LHFPL6: variants seen among roughly 807,000 people sequenced by gnomAD.
The protein encoded by LHFPL6 is LHFPL tetraspan subfamily member 6.
In LHFPL6, 9 loss-of-function variants were observed where a neutral mutation model predicts 20.6. The observed-to-expected ratio is 0.44, with a 90% confidence interval of 0.26 to 0.76. LHFPL6 has a LOEUF of 0.76. Ranked by LOEUF, LHFPL6 falls within the 30% of genes least tolerant of loss-of-function variation. LHFPL6 has a pLI of 0.20. For missense variants in LHFPL6, 218 were observed against 253.5 expected (o/e 0.86, Z 0.95); for synonymous variants, 105 against 98.7 (o/e 1.06, Z -0.38).
chr13:39,574,420 T>C (rs1422483791), intron 2 of LHFPL6, among the ~76,000 whole-genome samples: 1 of 151,194 alleles, frequency 6.6e-6, no homozygotes, highest in Admixed American at 6.6e-5. Flanking sequence ...GAGGCGGAGC[T>C]TGCAGTGAGC....
chr13:39,498,594 GAAGTC>G (rs1436872554), intron 2 of LHFPL6, among the ~76,000 whole-genome samples: 1 of 152,174 alleles, frequency 6.6e-6, no homozygotes, highest in African/African-American at 2.4e-5. Flanking sequence ...CTGTGGTTGG[GAAGTC>G]CAAAACACAG....
intron 2 of LHFPL6, among the ~76,000 whole-genome samples, chr13:39,515,100 G>A (rs1314128828): frequency 6.6e-6 from 1 of 152,184 alleles, no homozygotes; most frequent in South Asian, 2.1e-4. Flanking sequence ...TAAGTGGAGT[G>A]GCTGTACCTC....
chr13:39,495,631 G>A (rs976476832), intron 2 of LHFPL6, among the ~76,000 whole-genome samples: 21 of 150,398 alleles, frequency 1.4e-4, no homozygotes, highest in African/African-American at 3.9e-4. Flanking sequence ...GTATATGATC[G>A]TGTAATAACT....
intron 2 of LHFPL6, among the ~76,000 whole-genome samples, chr13:39,397,391 C>T (rs1467229374): frequency 6.6e-6 from 1 of 152,172 alleles, no homozygotes; most frequent in Non-Finnish European, 1.5e-5. Flanking sequence ...ACTGCTATAA[C>T]CTGGAGGAAG....
chr13:39,572,742 GCCAGATCTTAAC>G (rs1871973384), intron 2 of LHFPL6, among the ~76,000 whole-genome samples: 1 of 151,984 alleles, frequency 6.6e-6, no homozygotes, highest in South Asian at 2.1e-4. Context: ...TGCACAAATA[GCCAGATCTTAAC>G]CTTCTGAGTT....
rs1343311311 is a variant in LHFPL6, at chr13:39,343,956, G to C, written c.583C>G (p.Gln195Glu). 6.2e-7 allele frequency: 1 copy of C among 1,613,740 alleles called. No individual in the cohort carries two copies. The highest frequency in any genetic ancestry group is 8.5e-7 in the Non-Finnish European group (1 of 1,179,898). Residue 195 changes from glutamine to glutamate, a missense_variant, in exon 4 of 4, where the codon CAG (glutamine) becomes GAG (glutamate). By Grantham distance (29) the Gln-to-Glu change is conservative. Transcript: ENST00000379589. ...CCATCTCAGTATGGGTAGTGCTTCT[G>C]TTTCTTGCCCGAAAAGCAAGCCAGC... ...TWLACFSGKK[Q>E]KHYPY
Position 39,557,231 on chromosome 13 carries a change from C to T in LHFPL6, c.385+43601G>A, listed in dbSNP as rs577304865. Among the ~76,000 whole-genome samples, 24 of 152,344 alleles carry T rather than the reference C, an allele frequency of 1.6e-4. 1 individual carries two copies. In the East Asian group the frequency reaches 4.6e-3, roughly 29 times the overall value. On this transcript the variant is annotated intron_variant, in intron 2 of 3. Transcript: ENST00000379589. ...AGTTTCAGGGGCCAGGCCCAGGGCC[C>T]CACCACCCTGATCAGCCTTAGGATA... is the stretch of plus-strand genomic sequence containing the variant.
intron 2 of LHFPL6, among the ~76,000 whole-genome samples, chr13:39,547,155 C>T (rs1871006535): frequency 6.6e-6 from 1 of 152,066 alleles, no homozygotes; most frequent in South Asian, 2.1e-4. Context: ...CATTCCAGTG[C>T]CCTGGCTAAA....
intron 2 of LHFPL6, among the ~76,000 whole-genome samples, chr13:39,527,035 C>G (rs1441977019): frequency 6.6e-6 from 1 of 152,176 alleles, no homozygotes; most frequent in Non-Finnish European, 1.5e-5. Flanking sequence ...TTTTGCACAT[C>G]CTCTACTTTT....
At chr13:39,423,398 C>T (rs1871547358) in intron 2 of LHFPL6, among the ~76,000 whole-genome samples, 2 of 151,994 alleles carry the variant, frequency 1.3e-5, no homozygotes, top group African/African-American at 2.4e-5. Context: ...AAGCATCACA[C>T]TCAGCTTGGG....
intron 2 of LHFPL6, among the ~76,000 whole-genome samples, chr13:39,493,306 T>TAAA (rs201558669): frequency 1.7e-5 from 2 of 118,304 alleles, no homozygotes; most frequent in East Asian, 4.5e-4. Flanking sequence ...CCATCTCTAC[T>TAAA]AAAAAAAAAA....
rs536581307 is a variant in LHFPL6, at chr13:39,574,371, A to G, written c.385+26461T>C. On this transcript the variant is annotated intron_variant, in intron 2 of 3. Transcript: ENST00000379589. Reference sequence around the variant, plus strand: ...GTGGTGGGCACCTGTAGTCCCAGCTACTCAGGAGGCTGAGGCAGCAGAATG... The same window carrying G: ...GTGGTGGGCACCTGTAGTCCCAGCTGCTCAGGAGGCTGAGGCAGCAGAATG... Among the ~76,000 whole-genome samples the G allele has an allele frequency of 3.0e-4, 46 of 151,912 alleles. No individual in the cohort carries two copies. The South Asian group carries it at 9.6e-3, about 32-fold the overall frequency.
intron 2 of LHFPL6, among the ~76,000 whole-genome samples, chr13:39,552,717 C>T (rs1871175321): frequency 6.6e-6 from 1 of 152,220 alleles, no homozygotes; most frequent in Admixed American, 6.5e-5. Context: ...CAACATCTTG[C>T]AATGCACCAG....
intron 2 of LHFPL6, among the ~76,000 whole-genome samples, chr13:39,517,098 C>CTT (rs1566130714): frequency 6.6e-6 from 1 of 151,964 alleles, no homozygotes. Context: ...CACCATGGTA[C>CTT]TAAAGGGAAA....
At chr13:39,518,331 T>C (rs771992383) in intron 2 of LHFPL6, among the ~76,000 whole-genome samples, 53 of 152,190 alleles carry the variant, frequency 3.5e-4, no homozygotes, top group Non-Finnish European at 6.9e-4. Context: ...AAACAACTTC[T>C]TTTCTGGGAA....
intron 2 of LHFPL6, among the ~76,000 whole-genome samples, chr13:39,396,458 G>C (rs886395475): frequency 2.6e-5 from 4 of 152,080 alleles, no homozygotes; most frequent in African/African-American, 4.8e-5. Context: ...AGATCATACT[G>C]GAGTAGGGTA....
At chr13:39,393,798 G>A (rs1870770447) in intron 2 of LHFPL6, among the ~76,000 whole-genome samples, 1 of 152,064 alleles carries the variant, frequency 6.6e-6, no homozygotes, top group South Asian at 2.1e-4. Flanking sequence ...GACTCAGAAG[G>A]CCTAGATCAA....
intron 2 of LHFPL6, among the ~76,000 whole-genome samples, chr13:39,394,363 G>T (rs1410831326): frequency 6.6e-6 from 1 of 152,130 alleles, no homozygotes; most frequent in Non-Finnish European, 1.5e-5. Context: ...GAGGTACTGG[G>T]GAGTAGGGCT....
At chr13:39,576,812 T>G (rs1456495274) in intron 2 of LHFPL6, among the ~76,000 whole-genome samples, 3 of 77,386 alleles carry the variant, frequency 3.9e-5, no homozygotes, top group African/African-American at 1.3e-4. Context: ...TTAAACAAAT[T>G]TTTTTTCTAG....
Sources: gnomAD v4.1 joint callset for allele counts (sites outside exome capture counted in the v4.1 genomes callset) on GRCh38, gnomAD v4.1.1 for gene constraint, MANE v1.5 for transcripts, NCBI Gene and HGNC (gene_info 2026-07-23, HGNC 2026-07-21) for gene names.